Variants in CEP128 observed in about 807,000 individuals in gnomAD.
CEP128 encodes centrosomal protein 128, also known as centrosomal protein 128kDa.
A neutral mutation model predicts 156.7 loss-of-function variants in CEP128; 132 were observed. The ratio of observed to expected loss-of-function variants is 0.84; its 90% CI spans 0.73 to 0.97. The LOEUF is 0.97. Ranked by LOEUF, CEP128 falls within the 50% of genes least tolerant of loss-of-function variation. CEP128 has a pLI of 0.00. For missense variants in CEP128, 1,252 were observed against 1,281.9 expected, an observed-to-expected ratio of 0.98 and a Z score of 0.36; for synonymous variants, 469 against 448.9, an observed-to-expected ratio of 1.04 and a Z score of -0.57.
At chr14:80,955,230 G>A (rs1242750082) in intron 2 of CEP128, 2 of 287,056 alleles carry the variant, frequency 7.0e-6, no homozygotes, top group Admixed American at 9.8e-5. Flanking sequence ...TGGCTCCCAG[G>A]CAGACAGGGT....
intron 16 of CEP128, among the ~76,000 whole-genome samples, chr14:80,769,222 T>A (rs1015113227): frequency 1.3e-5 from 2 of 150,570 alleles, no homozygotes; most frequent in Non-Finnish European, 2.9e-5. Flanking sequence ...TTAATAACCA[T>A]CAAGATTTCT....
chr14:80,552,772 C>A (rs146114568), intron 21 of CEP128, among the ~76,000 whole-genome samples: 121 of 152,162 alleles, frequency 8.0e-4, no homozygotes, highest in African/African-American at 2.9e-3. Context: ...TTTCTAATTG[C>A]TTTTTAGGCA....
rs184717985 is a variant in CEP128 at position 80,678,927 on chromosome 14, T to C, written c.2806+64148A>G. On this transcript the variant is annotated intron_variant, in intron 19 of 24. Transcript: ENST00000555265. ...AAGATTTCATTTTAATATGGACATA[T>C]ATCAGTTCCCAAAATTAATACTTTT... Among the ~76,000 whole-genome samples, 210 of 152,334 alleles carry C rather than the reference T, an allele frequency of 1.4e-3. 1 individual carries two copies. The highest frequency in any genetic ancestry group is 4.5e-3 in the African/African-American group (189 of 41,586).
intron 2 of CEP128, among the ~76,000 whole-genome samples, chr14:80,953,363 A>T (rs994945244): frequency 2.0e-5 from 3 of 152,196 alleles, no homozygotes; most frequent in Non-Finnish European, 4.4e-5. Context: ...GGGCGGGCGG[A>T]TCACGAGATC....
intron 19 of CEP128, among the ~76,000 whole-genome samples, chr14:80,629,790 G>A (rs1377462903): frequency 6.6e-6 from 1 of 151,820 alleles, no homozygotes; most frequent in Admixed American, 6.6e-5. Context: ...CTGATTTTCT[G>A]TAACTTTTGA....
At chr14:80,835,922 G>A (rs1357232310) in intron 12 of CEP128, among the ~76,000 whole-genome samples, 6 of 152,152 alleles carry the variant, frequency 3.9e-5, no homozygotes, top group African/African-American at 1.4e-4. Context: ...CATGGGAATC[G>A]GAGGCTGGAA....
chr14:80,615,699 A>C (rs943852677), intron 19 of CEP128, among the ~76,000 whole-genome samples: 6 of 152,222 alleles, frequency 3.9e-5, no homozygotes, highest in African/African-American at 1.4e-4. Flanking sequence ...AAATACAAAA[A>C]TTAGCCAGGC....
intron 2 of CEP128, among the ~76,000 whole-genome samples, chr14:80,947,706 T>G (rs1310538226): frequency 6.6e-6 from 1 of 152,020 alleles, no homozygotes; most frequent in Non-Finnish European, 1.5e-5. Flanking sequence ...AGAAAAGAGA[T>G]TCCTGACTGG....
chr14:80,683,457 C>T (rs58268321), intron 19 of CEP128, among the ~76,000 whole-genome samples: 4,940 of 152,138 alleles, frequency 0.032, 257 homozygotes, highest in African/African-American at 0.11. Flanking sequence ...AACATTGAAG[C>T]ATCAAGATTA....
chr14:80,843,099 G>A (rs1451452231), intron 9 of CEP128, among the ~76,000 whole-genome samples: 6 of 151,920 alleles, frequency 3.9e-5, no homozygotes, highest in Non-Finnish European at 8.8e-5. Flanking sequence ...AAAGAAAAAT[G>A]TTTGTAGACC....
intron 2 of CEP128, among the ~76,000 whole-genome samples, chr14:80,933,672 G>A (rs935252309): frequency 6.6e-6 from 1 of 152,120 alleles, no homozygotes; most frequent in East Asian, 1.9e-4. Flanking sequence ...CATCTGTTTA[G>A]GGGCAAATGC....
At chr14:80,736,526 A>G (rs1464474562) in intron 19 of CEP128, among the ~76,000 whole-genome samples, 1 of 152,136 alleles carries the variant, frequency 6.6e-6, no homozygotes, top group Non-Finnish European at 1.5e-5. Flanking sequence ...ACATACACAC[A>G]CACACACACA....
chr14:80,653,719 G>A (rs1390943630), intron 19 of CEP128, among the ~76,000 whole-genome samples: 4 of 151,940 alleles, frequency 2.6e-5, no homozygotes, highest in African/African-American at 9.7e-5. Flanking sequence ...AATCTCCTCC[G>A]TCCATGTCTA....
intron 19 of CEP128, among the ~76,000 whole-genome samples, chr14:80,698,037 C>T (rs1030701777): frequency 2.0e-5 from 3 of 152,036 alleles, no homozygotes; most frequent in Admixed American, 2.0e-4. Flanking sequence ...GTTAATGATA[C>T]TCCATCTTTG....
chr14:80,689,422 C>T (rs1318205980), intron 19 of CEP128, among the ~76,000 whole-genome samples: 3 of 151,332 alleles, frequency 2.0e-5, no homozygotes, highest in African/African-American at 7.3e-5. Flanking sequence ...AGAACGTGAA[C>T]CTAAAGAGAC....
chr14:80,910,072 AT>A (rs1345662047), intron 4 of CEP128, among the ~76,000 whole-genome samples: 7 of 152,130 alleles, frequency 4.6e-5, no homozygotes, highest in Non-Finnish European at 7.3e-5. Context: ...TGATGATCCT[AT>A]TTTCCCCCAC....
intron 23 of CEP128, among the ~76,000 whole-genome samples, 179 bp from the exon 24 acceptor site, chr14:80,505,199 AAAG>A (rs1887917147): frequency 6.6e-6 from 1 of 152,236 alleles, no homozygotes; most frequent in African/African-American, 2.4e-5. Context: ...AATTTGGAAA[AAAG>A]AAGAAATCAC....
chr14:80,666,702 T>C (rs1895628881), intron 19 of CEP128, among the ~76,000 whole-genome samples: 1 of 142,364 alleles, frequency 7.0e-6, no homozygotes, highest in Non-Finnish European at 1.5e-5. Context: ...AAAGCATATA[T>C]TCAAGTAGGA....
chr14:80,589,746 G>T lies in CEP128; in HGVS notation c.2807-9323C>A, dbSNP rs181683733. On this transcript the variant is annotated intron_variant, in intron 19 of 24. Coordinates refer to ENST00000555265, the MANE Select transcript of CEP128 (RefSeq NM_152446.5). ...GATATTAACATTCAAGGTACAGTTTGGTATGTAATACCCCAAGGGTAAGAA... is the reference window on the plus strand; with the variant it reads ...GATATTAACATTCAAGGTACAGTTTTGTATGTAATACCCCAAGGGTAAGAA... 4.9e-3 allele frequency among the ~76,000 whole-genome samples: 749 copies of T among 152,082 alleles called. 8 individuals are homozygous for T. Among genetic ancestry groups the T allele is most frequent in the African/African-American group, 0.017 (719 of 41,482 alleles).
Sources: gnomAD v4.1 joint callset for allele counts (sites outside exome capture counted in the v4.1 genomes callset) on GRCh38, gnomAD v4.1.1 for gene constraint, MANE v1.5 for transcripts, NCBI Gene and HGNC (gene_info 2026-07-23, HGNC 2026-07-21) for gene names.